ELMO1: variants seen among roughly 807,000 people sequenced by gnomAD.
ELMO1 encodes engulfment and cell motility protein 1.
Under a neutral mutation model 98.9 loss-of-function variants are expected in ELMO1, and 26 were observed. The ratio of observed to expected loss-of-function variants is 0.26; its 90% confidence interval spans 0.19 to 0.36. The LOEUF (loss-of-function observed/expected upper bound fraction) is 0.36. ELMO1 is among the 10% of genes least tolerant of loss of function. ELMO1 has a pLI of 1.00. For synonymous variants in ELMO1, 346 were observed against 346.0 expected, an observed-to-expected ratio of 1.00 and a Z score of 0.00; for missense variants, 627 against 935.2, an observed-to-expected ratio of 0.67 and a Z score of 4.30.
intron 13 of ELMO1, among the ~76,000 whole-genome samples, chr7:37,166,642 G>A (rs1405161182): frequency 3.3e-5 from 5 of 152,272 alleles, no homozygotes; most frequent in Admixed American, 6.5e-5. Context: ...ATGTAGTTGA[G>A]CGTTTTTGAG....
At chr7:37,295,446 T>C (rs1284322349) in intron 4 of ELMO1, among the ~76,000 whole-genome samples, 3 of 152,244 alleles carry the variant, frequency 2.0e-5, no homozygotes, top group African/African-American at 7.2e-5. Context: ...TAAAAAACAG[T>C]ATCACTAGCA....
chr7:37,248,336 T>TC (rs1290323769), intron 6 of ELMO1, among the ~76,000 whole-genome samples: 2 of 152,136 alleles, frequency 1.3e-5, no homozygotes, highest in African/African-American at 2.4e-5. Context: ...ATTTTTTTTT[T>TC]CGCCAACAGA....
chr7:37,116,691 A>C (rs1433716973), intron 14 of ELMO1: 2 of 151,740 alleles, frequency 1.3e-5, no homozygotes, highest in Non-Finnish European at 2.9e-5. Context: ...AAAAGAAAAG[A>C]GAAAAACCAC....
chr7:37,226,368 C>A (rs1027854635), intron 8 of ELMO1, among the ~76,000 whole-genome samples: 45 of 152,262 alleles, frequency 3.0e-4, no homozygotes, highest in African/African-American at 1.1e-3. Flanking sequence ...ACTTATTCCT[C>A]GCAGTCTGCT....
At chr7:37,388,090 A>G (rs1802887760) in intron 1 of ELMO1, among the ~76,000 whole-genome samples, 1 of 152,138 alleles carries the variant, frequency 6.6e-6, no homozygotes, top group Admixed American at 6.5e-5. Flanking sequence ...CTCCAGCCTC[A>G]GCCTCCCAAA....
Position 36,868,686 on chromosome 7 carries a change from A to G in ELMO1, c.1905+1707T>C, listed in dbSNP as rs570279326. Reference sequence around the variant, plus strand: ...TCTGAGGATGGGAGCACAACTCTCAAGCTCTTTATATGTTGGGGCTGAAAC... The same window carrying G: ...TCTGAGGATGGGAGCACAACTCTCAGGCTCTTTATATGTTGGGGCTGAAAC... On this transcript the variant is annotated intron_variant, in intron 20 of 21. Coordinates refer to ENST00000310758, the MANE Select transcript of ELMO1 (RefSeq NM_014800.11). 2.6e-5 allele frequency among the ~76,000 whole-genome samples: 4 copies of G among 152,164 alleles called. No individual in the cohort carries two copies. In the South Asian group the frequency reaches 8.3e-4, roughly 32 times the overall value.
At chr7:37,393,063 G>A (rs941535692) in intron 1 of ELMO1, among the ~76,000 whole-genome samples, 4 of 152,114 alleles carry the variant, frequency 2.6e-5, no homozygotes, top group Non-Finnish European at 4.4e-5. Context: ...TTTCCATCAG[G>A]ACATAATACA....
At chr7:37,367,461 G>A (rs1345599425) in intron 1 of ELMO1, among the ~76,000 whole-genome samples, 2 of 152,192 alleles carry the variant, frequency 1.3e-5, no homozygotes, top group Non-Finnish European at 2.9e-5. Flanking sequence ...TCTGGCAAGT[G>A]AATAAGTGAA....
At chr7:37,356,438 A>G (rs1801499495) in intron 1 of ELMO1, among the ~76,000 whole-genome samples, 1 of 152,108 alleles carries the variant, frequency 6.6e-6, no homozygotes, top group Non-Finnish European at 1.5e-5. Flanking sequence ...AAGCATTCCT[A>G]TTTCTCCAAA....
At chr7:37,077,030 T>C (rs1797619309) in intron 15 of ELMO1, among the ~76,000 whole-genome samples, 1 of 152,178 alleles carries the variant, frequency 6.6e-6, no homozygotes, top group Non-Finnish European at 1.5e-5. Flanking sequence ...AACAAAACTG[T>C]CTTCTGTCCA....
chr7:36,954,410 G>C (rs751181185), intron 16 of ELMO1, among the ~76,000 whole-genome samples: 4 of 152,168 alleles, frequency 2.6e-5, no homozygotes, highest in Non-Finnish European at 4.4e-5. Flanking sequence ...TTGGAAGGCT[G>C]TCAGCCTGAT....
intron 13 of ELMO1, among the ~76,000 whole-genome samples, chr7:37,150,419 C>A (rs1788279659): frequency 1.4e-5 from 2 of 147,452 alleles, no homozygotes; most frequent in South Asian, 4.5e-4. Context: ...CGTCCAGAGT[C>A]CACGTACTTA....
intron 1 of ELMO1, among the ~76,000 whole-genome samples, chr7:37,386,529 G>A (rs370784807): frequency 2.0e-5 from 3 of 152,118 alleles, no homozygotes; most frequent in East Asian, 1.9e-4. Flanking sequence ...CCACAGGAGA[G>A]AGCAGCTAAA....
Position 37,342,811 on chromosome 7 carries a change from G to T in ELMO1, c.-73-48C>A. 1 of 925,822 alleles carries T rather than the reference G, an allele frequency of 1.1e-6. No homozygotes were observed. Among genetic ancestry groups the T allele is most frequent in the Non-Finnish European group, 1.6e-6 (1 of 616,122 alleles). The allele number at this position is 925,822 out of a possible 1,614,324, so 57.4% of individuals were successfully genotyped here. A position where few individuals can be genotyped will look rare whatever the true frequency, so the allele number is the denominator to read the frequency against. On this transcript the variant is annotated intron_variant, in intron 1 of 21. Coordinates refer to ENST00000310758, the MANE Select transcript of ELMO1 (RefSeq NM_014800.11). This position sits in a 1 kb window ranked among gnomAD's most constrained non-coding sequence, Gnocchi z 4.3. The stretch of plus-strand genomic sequence containing the variant: ...GAAAGAGAAGTCACTCAGTGCAGAT[G>T]CAGGGTGAATTTTGCTTCATCACTT...
chr7:37,304,664 C>T (rs537360743), intron 4 of ELMO1, among the ~76,000 whole-genome samples: 3 of 152,018 alleles, frequency 2.0e-5, no homozygotes, highest in Non-Finnish European at 2.9e-5. Flanking sequence ...TGCAGTGAGC[C>T]GAGATTGCGC....
intron 16 of ELMO1, among the ~76,000 whole-genome samples, chr7:36,974,078 T>G (rs1210418242): frequency 6.6e-6 from 1 of 152,236 alleles, no homozygotes; most frequent in Non-Finnish European, 1.5e-5. Flanking sequence ...CGCCCCCTGT[T>G]CCACTGCGCC....
In ELMO1 at chr7:37,106,461, T is replaced by C. The variant is rs148016975; in HGVS notation, c.1192-9734A>G. On this transcript the variant is annotated intron_variant, in intron 14 of 21. Transcript: ENST00000310758. ...CAGCGCCAAGGTACCATCTTGGAAATAGAGAGCACAGCCCTTACCAGACAC... is the reference window on the plus strand; with the variant it reads ...CAGCGCCAAGGTACCATCTTGGAAACAGAGAGCACAGCCCTTACCAGACAC... Among the ~76,000 whole-genome samples, 320 of 152,230 alleles carry C rather than the reference T, an allele frequency of 2.1e-3. 1 individual carries two copies. The highest frequency in any genetic ancestry group is 6.7e-3 in the African/African-American group (277 of 41,534).
chr7:36,960,753 A>G (rs944795303), intron 16 of ELMO1, among the ~76,000 whole-genome samples: 1 of 152,220 alleles, frequency 6.6e-6, no homozygotes, highest in Non-Finnish European at 1.5e-5. Flanking sequence ...ATAGTACTGT[A>G]AAAAGGCAGC....
chr7:37,312,088 T>A (rs1798917104), intron 4 of ELMO1, among the ~76,000 whole-genome samples: 1 of 152,178 alleles, frequency 6.6e-6, no homozygotes, highest in Non-Finnish European at 1.5e-5. Flanking sequence ...CATACTTTGT[T>A]TTTTGTTGTT....
Sources: allele counts gnomAD v4.1 joint callset (sites outside exome capture counted in the v4.1 genomes callset), GRCh38; gene constraint gnomAD v4.1.1; non-coding constraint Gnocchi (gnomAD v3.1); transcripts MANE v1.5; gene names NCBI Gene and HGNC (gene_info 2026-07-23, HGNC 2026-07-21).